NTM: variants seen among roughly 807,000 people sequenced by gnomAD.
The protein encoded by NTM is neurotrimin.
Under a neutral mutation model 42.1 loss-of-function variants are expected in NTM, and 13 were observed. The observed-to-expected ratio is 0.31, with a 90% CI of 0.20 to 0.49. The LOEUF (loss-of-function observed/expected upper bound fraction) is 0.49, where lower values mean the gene tolerates loss of function less well. NTM is among the 20% of genes least tolerant of loss of function. The probability of loss-of-function intolerance (pLI) is 0.99; values close to 1 mark genes in which losing one functional copy is unlikely to be tolerated. For missense variants in NTM, 373 were observed against 452.8 expected (o/e 0.82, Z 1.60); for synonymous variants, 187 against 179.2 (o/e 1.04, Z -0.35).
At chr11:131,796,607 G>T (rs1018186207) in intron 1 of NTM, among the ~76,000 whole-genome samples, 1 of 152,172 alleles carries the variant, frequency 6.6e-6, no homozygotes, top group East Asian at 1.9e-4. Context: ...AGAAGAAATG[G>T]AGTGTGTAGA....
At chr11:131,868,375 A>G (rs937958064) in intron 1 of NTM, among the ~76,000 whole-genome samples, 6 of 151,946 alleles carry the variant, frequency 3.9e-5, no homozygotes, top group Non-Finnish European at 5.9e-5. Context: ...AGCTCATTCA[A>G]TGGTCTCCTA....
intron 2 of NTM, among the ~76,000 whole-genome samples, chr11:131,931,497 GTGTGTGTA>G (rs1353363704): frequency 6.6e-5 from 10 of 151,612 alleles, no homozygotes; most frequent in South Asian, 2.1e-4. Flanking sequence ...GTGTGTGTGT[GTGTGTGTA>G]TGTGTGTGTG....
At chr11:131,668,441 T>A (rs937691209) in intron 1 of NTM, among the ~76,000 whole-genome samples, 1 of 152,102 alleles carries the variant, frequency 6.6e-6, no homozygotes, top group African/African-American at 2.4e-5. Context: ...GTGGTTGGGC[T>A]GTGGCCCCTC....
intron 1 of NTM, among the ~76,000 whole-genome samples, chr11:131,604,607 G>T (rs2060768931): frequency 6.7e-6 from 1 of 149,738 alleles, no homozygotes; most frequent in African/African-American, 2.5e-5. Flanking sequence ...ATAGCACAAG[G>T]TTGCAAAGAT....
At chr11:131,731,811 G>C (rs2079728173) in intron 1 of NTM, among the ~76,000 whole-genome samples, 1 of 152,168 alleles carries the variant, frequency 6.6e-6, no homozygotes, top group South Asian at 2.1e-4. Flanking sequence ...TCTCAGAGAT[G>C]GAGAATCTCC....
intron 1 of NTM, among the ~76,000 whole-genome samples, chr11:131,747,022 C>T (rs1369698064): frequency 6.6e-6 from 1 of 152,098 alleles, no homozygotes; most frequent in African/African-American, 2.4e-5. Flanking sequence ...AGAAAAATGA[C>T]ATACATATTT....
rs140619311 is a variant in NTM, at chr11:131,831,948, A to T, written c.83-79616A>T. Among the ~76,000 whole-genome samples the T allele has an allele frequency of 6.7e-3, 987 of 147,670 alleles. 14 individuals are homozygous for T. Among genetic ancestry groups the T allele is most frequent in the African/African-American group, 0.023 (924 of 40,814 alleles). ...TTATTCCTATGTAATTATATATATA[A>T]TATATATAATTAAATATAATATATA... On this transcript the variant is annotated intron_variant, in intron 1 of 8. Coordinates refer to ENST00000683400, the MANE Select transcript of NTM (RefSeq NM_001352005.2).
chr11:132,214,573 A>T (rs1300569202), intron 4 of NTM, among the ~76,000 whole-genome samples: 1 of 152,176 alleles, frequency 6.6e-6, no homozygotes, highest in African/African-American at 2.4e-5. Flanking sequence ...TTTCTGCTTT[A>T]ATTTCATTAT....
intron 7 of NTM, among the ~76,000 whole-genome samples, chr11:132,321,967 C>G (rs370383129): frequency 2.0e-5 from 3 of 150,632 alleles, no homozygotes; most frequent in Non-Finnish European, 4.4e-5. Flanking sequence ...ACTTTACAGA[C>G]AAGCAAATGC....
At chr11:131,789,018 G>A (rs1173016079) in intron 1 of NTM, among the ~76,000 whole-genome samples, 1 of 152,078 alleles carries the variant, frequency 6.6e-6, no homozygotes, top group Non-Finnish European at 1.5e-5. Context: ...CAGGGGGCCG[G>A]GGTCTCTGCG....
At chr11:131,604,087 A>G (rs565472182) in intron 1 of NTM, among the ~76,000 whole-genome samples, 1 of 152,300 alleles carries the variant, frequency 6.6e-6, no homozygotes, top group South Asian at 2.1e-4. Context: ...TTTAAAATTT[A>G]TAGGAACCAC....
chr11:131,434,099 C>T (rs879516696), intron 1 of NTM, among the ~76,000 whole-genome samples: 1 of 152,188 alleles, frequency 6.6e-6, no homozygotes, highest in Non-Finnish European at 1.5e-5. Context: ...TTTCCAGCTG[C>T]ATCCATGTCC....
intron 1 of NTM, among the ~76,000 whole-genome samples, chr11:131,890,419 C>T (rs565358228): frequency 4.6e-5 from 7 of 152,194 alleles, no homozygotes; most frequent in Non-Finnish European, 8.8e-5. Flanking sequence ...GTAATAACCA[C>T]CAGCAGCCTG....
intron 2 of NTM, among the ~76,000 whole-genome samples, chr11:132,098,522 A>C (rs2061289968): frequency 6.6e-6 from 1 of 152,174 alleles, no homozygotes; most frequent in Admixed American, 6.5e-5. Flanking sequence ...TGACGAGACT[A>C]ATGCTCTAGA....
intron 2 of NTM, among the ~76,000 whole-genome samples, chr11:132,100,163 G>C (rs773478293): frequency 2.0e-5 from 3 of 152,228 alleles, no homozygotes; most frequent in Non-Finnish European, 4.4e-5. Context: ...TTAACATATT[G>C]AAAGAAGTTT....
intron 2 of NTM, among the ~76,000 whole-genome samples, chr11:132,072,436 GC>G (rs993802733): frequency 3.9e-5 from 6 of 152,180 alleles, no homozygotes; most frequent in Admixed American, 6.5e-5. Flanking sequence ...CTGATTTGTT[GC>G]TTTTGGTATT....
intron 7 of NTM, among the ~76,000 whole-genome samples, chr11:132,327,886 C>T (rs1467075931): frequency 1.3e-5 from 2 of 151,572 alleles, no homozygotes; most frequent in Non-Finnish European, 2.9e-5. Context: ...ATTTTCCCAC[C>T]CTCCCTGACC....
At chr11:132,319,107 T>G (rs2095501674) in intron 7 of NTM, among the ~76,000 whole-genome samples, 1 of 152,116 alleles carries the variant, frequency 6.6e-6, no homozygotes, top group African/African-American at 2.4e-5. Flanking sequence ...AGACGTAAAA[T>G]AGAGAGCAGT....
intron 2 of NTM, among the ~76,000 whole-genome samples, chr11:132,073,194 G>T (rs2057930462): frequency 6.6e-6 from 1 of 152,102 alleles, no homozygotes; most frequent in Non-Finnish European, 1.5e-5. Flanking sequence ...ACAACGAGGA[G>T]CCAAAATGGG....
Sources: gnomAD v4.1 joint callset for allele counts (sites outside exome capture counted in the v4.1 genomes callset) on GRCh38, gnomAD v4.1.1 for gene constraint, MANE v1.5 for transcripts, NCBI Gene and HGNC (gene_info 2026-07-23, HGNC 2026-07-21) for gene names.